The following IL1RAPL2 variants were observed in gnomAD, a reference collection of about 807,000 sequenced individuals.
IL1RAPL2 encodes the protein X-linked interleukin-1 receptor accessory protein-like 2.
IL1RAPL2 carries 3 observed loss-of-function variants against 44.1 expected under a neutral mutation model. The ratio of observed to expected loss-of-function variants is 0.07; its 90% CI spans 0.03 to 0.18. The LOEUF (loss-of-function observed/expected upper bound fraction) is 0.18. Ranked by LOEUF, IL1RAPL2 falls within the 10% of genes least tolerant of loss-of-function variation. IL1RAPL2 has a pLI of 1.00. For synonymous variants in IL1RAPL2, 181 were observed against 178.8 expected, an observed-to-expected ratio of 1.01 and a Z score of -0.10; for missense variants, 391 against 496.4, an observed-to-expected ratio of 0.79 and a Z score of 2.02.
chrX:105,740,814 A>T, intron 8 of IL1RAPL2, 123 bp downstream of exon 8: 1 of 613,169 alleles, frequency 1.6e-6, no homozygotes, highest in Non-Finnish European at 2.4e-6. Context: ...TTGTCTTTTC[A>T]AGGAAAGATA....
chrX:104,762,694 C>G (rs945534317), intron 2 of IL1RAPL2, among the ~76,000 whole-genome samples: 1 of 112,760 alleles, frequency 8.9e-6, no homozygotes, highest in South Asian at 3.7e-4. Context: ...CATACATCCT[C>G]TGAAATTTAG....
intron 2 of IL1RAPL2, among the ~76,000 whole-genome samples, chrX:104,925,839 C>G (rs1924760926): frequency 9.0e-6 from 1 of 111,308 alleles, no homozygotes; most frequent in Non-Finnish European, 1.9e-5. Flanking sequence ...TATTGACATT[C>G]GTGGCCAGAG....
chrX:104,906,734 C>G (rs1489768475), intron 2 of IL1RAPL2, among the ~76,000 whole-genome samples: 2 of 111,762 alleles, frequency 1.8e-5, no homozygotes, highest in African/African-American at 3.3e-5. Flanking sequence ...ATTTTTGCAT[C>G]AATGTTCATC....
At chrX:104,597,637 C>T (rs1371192270) in intron 1 of IL1RAPL2, among the ~76,000 whole-genome samples, 1 of 111,348 alleles carries the variant, frequency 9.0e-6, no homozygotes, top group African/African-American at 3.3e-5. Context: ...ATGGAAGCAC[C>T]ATTAACAGAG....
intron 2 of IL1RAPL2, among the ~76,000 whole-genome samples, chrX:104,875,127 C>A (rs1173437570): frequency 9.0e-6 from 1 of 111,713 alleles, no homozygotes; most frequent in Non-Finnish European, 1.9e-5. Flanking sequence ...CCCATGTTTA[C>A]CAATTCTCAG....
At chrX:105,387,868 G>A (rs1032552478) in intron 5 of IL1RAPL2, among the ~76,000 whole-genome samples, 1 of 109,088 alleles carries the variant, frequency 9.2e-6, no homozygotes, top group Non-Finnish European at 1.9e-5. Context: ...GGGTAATTGG[G>A]CCGGGCGCAG....
chrX:104,871,917 C>G (rs1922774681), intron 2 of IL1RAPL2, among the ~76,000 whole-genome samples: 1 of 111,556 alleles, frequency 9.0e-6, no homozygotes. Context: ...GTGCAGAGAT[C>G]ATGGTTTTGT....
intron 5 of IL1RAPL2, among the ~76,000 whole-genome samples, chrX:105,306,573 A>G (rs1348416658): frequency 8.9e-6 from 1 of 112,016 alleles, no homozygotes; most frequent in African/African-American, 3.2e-5. Context: ...TTTGGAAAGT[A>G]TAGATCAACT....
chrX:104,973,834 AC>A (rs1366417138), intron 2 of IL1RAPL2, among the ~76,000 whole-genome samples: 1 of 111,759 alleles, frequency 8.9e-6, no homozygotes, highest in Non-Finnish European at 1.9e-5. Flanking sequence ...TTAATCTAGG[AC>A]AATAATTTAC....
intron 2 of IL1RAPL2, among the ~76,000 whole-genome samples, chrX:105,101,400 A>T (rs187758456): frequency 8.0e-5 from 9 of 111,899 alleles, no homozygotes; most frequent in Non-Finnish European, 1.5e-4. Flanking sequence ...GCACATCTTT[A>T]TGGGGAAGGA....
At chrX:105,393,296 C>T (rs1270027021) in intron 5 of IL1RAPL2, among the ~76,000 whole-genome samples, 1 of 110,334 alleles carries the variant, frequency 9.1e-6, no homozygotes, top group African/African-American at 3.3e-5. Context: ...AGTCCTGAGT[C>T]ATGATTCTAC....
chrX:104,695,435 A>G (rs186925329), intron 2 of IL1RAPL2, among the ~76,000 whole-genome samples: 1 of 111,348 alleles, frequency 9.0e-6, no homozygotes, highest in African/African-American at 3.3e-5. Context: ...ATCTTCTACC[A>G]TAACAGGAAT....
chrX:104,663,340 T>A (rs1434619941), intron 2 of IL1RAPL2, among the ~76,000 whole-genome samples: 1 of 111,430 alleles, frequency 9.0e-6, no homozygotes, highest in Non-Finnish European at 1.9e-5. Context: ...ACTTCTTTTG[T>A]GAAATTTATT....
At chrX:104,976,392 T>C (rs1334944140) in intron 2 of IL1RAPL2, among the ~76,000 whole-genome samples, 1 of 112,110 alleles carries the variant, frequency 8.9e-6, no homozygotes. Flanking sequence ...TAAGGTGTTA[T>C]AAAAGTGGAT....
At chrX:105,591,323 C>T (rs1206192756) in intron 6 of IL1RAPL2, among the ~76,000 whole-genome samples, 1 of 108,622 alleles carries the variant, frequency 9.2e-6, no homozygotes, top group African/African-American at 3.4e-5. Context: ...CTTCATTAGT[C>T]TAGCTCGGGA....
intron 2 of IL1RAPL2, among the ~76,000 whole-genome samples, chrX:105,036,438 C>T (rs369950883): frequency 9.8e-5 from 11 of 112,094 alleles, no homozygotes; most frequent in South Asian, 3.7e-4. Flanking sequence ...CCAAGGCCAA[C>T]GACTACCTCT....
intron 5 of IL1RAPL2, among the ~76,000 whole-genome samples, chrX:105,387,097 A>G (rs768788244): frequency 9.0e-6 from 1 of 111,362 alleles, no homozygotes; most frequent in South Asian, 3.7e-4. Context: ...AACACCATGG[A>G]TATTAGTTCA....
chrX:105,275,210 C>CA (rs71914725), intron 5 of IL1RAPL2, among the ~76,000 whole-genome samples: 2,122 of 94,125 alleles, frequency 0.023, 52 homozygotes, highest in African/African-American at 0.074. Flanking sequence ...GACTCCATCT[C>CA]AAAAAAAAAA....
intron 1 of IL1RAPL2, among the ~76,000 whole-genome samples, chrX:104,599,838 A>G (rs1201421632): frequency 9.0e-6 from 1 of 111,441 alleles, no homozygotes; most frequent in Non-Finnish European, 1.9e-5. Flanking sequence ...TAAGTTGTCC[A>G]TTCATCCCTT....
Sources: gnomAD v4.1 joint callset for allele counts (sites outside exome capture counted in the v4.1 genomes callset) on GRCh38, gnomAD v4.1.1 for gene constraint, MANE v1.5 for transcripts, NCBI Gene and HGNC (gene_info 2026-07-23, HGNC 2026-07-21) for gene names.